Variants in KIAA1328 observed in about 807,000 individuals in gnomAD.
The protein encoded by KIAA1328 is protein hinderin.
In KIAA1328, 52 loss-of-function variants were observed where a neutral mutation model predicts 68.1. That is an observed-to-expected ratio of 0.76 (90% CI 0.61 to 0.96). KIAA1328 has a LOEUF of 0.96. Among genes scored for constraint, KIAA1328 ranks in the 40% least tolerant of loss-of-function variants. The probability of loss-of-function intolerance (pLI) is 0.00; values close to 1 mark genes in which losing one functional copy is unlikely to be tolerated. For synonymous variants in KIAA1328, 232 were observed against 239.4 expected (o/e 0.97, Z 0.28); for missense variants, 641 against 677.6 (o/e 0.95, Z 0.60).
chr18:37,187,723 G>T (rs1337451230), intron 9 of KIAA1328, among the ~76,000 whole-genome samples: 3 of 151,972 alleles, frequency 2.0e-5, no homozygotes, highest in Non-Finnish European at 4.4e-5. Context: ...CCCCCCACTT[G>T]GGCTCTGAGC....
chr18:37,166,783 A>G (rs981526365), intron 8 of KIAA1328, among the ~76,000 whole-genome samples: 7 of 152,224 alleles, frequency 4.6e-5, no homozygotes, highest in Non-Finnish European at 1.0e-4. Context: ...ACTGAAAATC[A>G]GATGAACACA....
At chr18:37,022,861 A>C (rs2054400661) in intron 6 of KIAA1328, among the ~76,000 whole-genome samples, 1 of 152,202 alleles carries the variant, frequency 6.6e-6, no homozygotes, top group African/African-American at 2.4e-5. Context: ...ATGAAAATTT[A>C]AGCCATCACA....
chr18:37,002,381 A>T (rs1281029791), intron 6 of KIAA1328, among the ~76,000 whole-genome samples: 2 of 151,078 alleles, frequency 1.3e-5, no homozygotes, highest in East Asian at 3.9e-4. Flanking sequence ...GATAATTTTT[A>T]ATTTTTTTAT....
intron 7 of KIAA1328, among the ~76,000 whole-genome samples, chr18:37,097,998 G>A (rs1267627189): frequency 1.3e-4 from 19 of 151,978 alleles, no homozygotes; most frequent in African/African-American, 1.7e-4. Flanking sequence ...TTTTCTAGAT[G>A]TACAATCATG....
intron 7 of KIAA1328, among the ~76,000 whole-genome samples, chr18:37,112,861 T>C (rs1357958992): frequency 6.6e-6 from 1 of 152,128 alleles, no homozygotes; most frequent in Admixed American, 6.6e-5. Flanking sequence ...ACGTGATGCA[T>C]GCACAAGCTT....
intron 6 of KIAA1328, among the ~76,000 whole-genome samples, chr18:36,993,982 A>G (rs2053291698): frequency 6.6e-6 from 1 of 151,790 alleles, no homozygotes; most frequent in African/African-American, 2.4e-5. Flanking sequence ...AAAAAAAAAA[A>G]AGAAAAGCTA....
chr18:37,169,917 T>A (rs1317999155), intron 8 of KIAA1328, among the ~76,000 whole-genome samples: 1 of 152,228 alleles, frequency 6.6e-6, no homozygotes, highest in Non-Finnish European at 1.5e-5. Context: ...TCTGTTAAAA[T>A]TCCTTCTTTA....
intron 7 of KIAA1328, among the ~76,000 whole-genome samples, chr18:37,079,544 G>A (rs981099739): frequency 3.3e-5 from 5 of 151,674 alleles, no homozygotes; most frequent in Non-Finnish European, 5.9e-5. Context: ...TCATGTCTCA[G>A]AACTGTAAGT....
Position 36,971,879 on chromosome 18 carries a change from GAGA to G in KIAA1328, c.576+12452_576+12454del, listed in dbSNP as rs569274618. ...AAAAGGTAAAGGGTGGGAGGAAGGA[GAGA>G]AGAAGAAAAAGATAACTATGGGTAC... On this transcript the variant is annotated intron_variant, in intron 6 of 9. Coordinates refer to ENST00000280020, the MANE Select transcript of KIAA1328 (RefSeq NM_020776.3). Among the ~76,000 whole-genome samples the G allele has an allele frequency of 4.4e-3, 667 of 152,192 alleles. 5 individuals carry two copies. Among genetic ancestry groups the G allele is most frequent in the South Asian group, 0.016 (76 of 4,822 alleles).
intron 7 of KIAA1328, among the ~76,000 whole-genome samples, chr18:37,110,248 G>C (rs1022202455): frequency 6.6e-6 from 1 of 152,082 alleles, no homozygotes; most frequent in African/African-American, 2.4e-5. Flanking sequence ...AAAAAAATCT[G>C]TAAATGTATT....
At chr18:36,871,853 T>G (rs2047956308) in intron 4 of KIAA1328, among the ~76,000 whole-genome samples, 1 of 151,958 alleles carries the variant, frequency 6.6e-6, no homozygotes, top group South Asian at 2.1e-4. Context: ...GGGTAAGATT[T>G]CAGCTTGATG....
chr18:36,929,870 C>T (rs1442703867), intron 5 of KIAA1328, among the ~76,000 whole-genome samples: 2 of 152,052 alleles, frequency 1.3e-5, no homozygotes, highest in East Asian at 1.9e-4. Context: ...GTAAGCCACC[C>T]GGGTCTATGG....
intron 4 of KIAA1328, among the ~76,000 whole-genome samples, chr18:36,863,695 G>A (rs960787588): frequency 6.6e-6 from 1 of 152,002 alleles, no homozygotes; most frequent in African/African-American, 2.4e-5. Context: ...TCTTACAATA[G>A]CTTTTTGTAA....
intron 3 of KIAA1328, among the ~76,000 whole-genome samples, chr18:36,838,228 C>T (rs543311658): frequency 6.6e-5 from 10 of 152,208 alleles, no homozygotes; most frequent in African/African-American, 2.2e-4. Flanking sequence ...ACCATTTTCT[C>T]TATATAAGAT....
At chr18:36,883,702 A>G (rs1355371758) in intron 4 of KIAA1328, among the ~76,000 whole-genome samples, 1 of 152,120 alleles carries the variant, frequency 6.6e-6, no homozygotes, top group African/African-American at 2.4e-5. Flanking sequence ...GGGCTACTCA[A>G]CCTATATACA....
intron 6 of KIAA1328, among the ~76,000 whole-genome samples, chr18:37,062,134 A>G (rs977980240): frequency 6.6e-6 from 1 of 152,330 alleles, no homozygotes; most frequent in Middle Eastern, 3.4e-3. Flanking sequence ...GAGAAAAATG[A>G]ATAACTTCTC....
chr18:36,887,789 A>G (rs1315907207), intron 5 of KIAA1328, among the ~76,000 whole-genome samples: 2 of 152,182 alleles, frequency 1.3e-5, no homozygotes, highest in African/African-American at 2.4e-5. Context: ...GGGAAATACA[A>G]TTCACTCTTT....
chr18:36,858,798 A>G (rs868322148), intron 4 of KIAA1328, among the ~76,000 whole-genome samples: 3 of 152,210 alleles, frequency 2.0e-5, no homozygotes, highest in Non-Finnish European at 4.4e-5. Context: ...TGCCCTTTCC[A>G]TCACACATGA....
chr18:37,188,193 AG>A (rs1157838654), intron 9 of KIAA1328, among the ~76,000 whole-genome samples: 1 of 152,174 alleles, frequency 6.6e-6, no homozygotes, highest in Non-Finnish European at 1.5e-5. Context: ...GATAGCTCAG[AG>A]GGGAGTCCTT....
Sources: gnomAD v4.1 joint callset for allele counts (sites outside exome capture counted in the v4.1 genomes callset) on GRCh38, gnomAD v4.1.1 for gene constraint, MANE v1.5 for transcripts, NCBI Gene and HGNC (gene_info 2026-07-23, HGNC 2026-07-21) for gene names.